The following ASIC2 variants were observed in gnomAD, a reference collection of about 807,000 sequenced individuals.
The protein encoded by ASIC2 is acid sensing ion channel subunit 2.
ASIC2 carries 25 observed loss-of-function variants against 57.3 expected under a neutral mutation model. That is an observed-to-expected ratio of 0.44 (90% CI 0.32 to 0.61). The LOEUF is 0.61. Among genes scored for constraint, ASIC2 ranks in the 20% least tolerant of loss-of-function variants. The pLI is 0.06. For missense variants in ASIC2, 641 were observed against 738.1 expected, an observed-to-expected ratio of 0.87 and a Z score of 1.52; for synonymous variants, 319 against 307.5, an observed-to-expected ratio of 1.04 and a Z score of -0.39.
chr17:34,082,592 C>T (rs1909929674), intron 1 of ASIC2, among the ~76,000 whole-genome samples: 1 of 152,180 alleles, frequency 6.6e-6, no homozygotes, highest in Non-Finnish European at 1.5e-5. Context: ...GCGGGGGAGT[C>T]CCCAGTCCAC....
At chr17:34,010,319 G>A (rs1047601095) in intron 1 of ASIC2, among the ~76,000 whole-genome samples, 15 of 152,146 alleles carry the variant, frequency 9.9e-5, no homozygotes, top group African/African-American at 3.6e-4. Flanking sequence ...TGGTAAAGAA[G>A]AGCACCAGCC....
chr17:33,350,687 A>AAAAGAAAGAAAGAAAGAAAGAAAGAAAGG, intron 1 of ASIC2, among the ~76,000 whole-genome samples: 1 of 145,556 alleles, frequency 6.9e-6, no homozygotes, highest in African/African-American at 2.7e-5. Flanking sequence ...GTGAGAAAAA[A>AAAAGAAAGAAAGAAAGAAAGAAAGAAAGG]AAAGAAAGAA....
At chr17:33,641,560 T>C (rs1440995947) in intron 1 of ASIC2, among the ~76,000 whole-genome samples, 1 of 152,226 alleles carries the variant, frequency 6.6e-6, no homozygotes, top group African/African-American at 2.4e-5. Context: ...AGACTCCTTG[T>C]CCACTGCTCT....
chr17:34,150,305 C>G (rs1904467370), intron 1 of ASIC2, among the ~76,000 whole-genome samples: 1 of 151,854 alleles, frequency 6.6e-6, no homozygotes, highest in African/African-American at 2.4e-5. Context: ...AGAGACAAGC[C>G]CAGGAAATCT....
At chr17:33,451,488 T>A (rs2141990341) in intron 1 of ASIC2, among the ~76,000 whole-genome samples, 1 of 152,284 alleles carries the variant, frequency 6.6e-6, no homozygotes, top group Non-Finnish European at 1.5e-5. Context: ...ATCTCAGTAG[T>A]CAGCGCTGTT....
chr17:33,711,931 T>C (rs1027217737), intron 1 of ASIC2, among the ~76,000 whole-genome samples: 1 of 152,196 alleles, frequency 6.6e-6, no homozygotes, highest in Admixed American at 6.5e-5. Context: ...AATTAGTCTC[T>C]GACTTTTCTA....
intron 1 of ASIC2, among the ~76,000 whole-genome samples, chr17:33,809,881 T>A (rs1178543707): frequency 1.3e-5 from 2 of 152,220 alleles, no homozygotes; most frequent in African/African-American, 4.8e-5. Flanking sequence ...GAACTAGGTC[T>A]TGGAATTCTT....
intron 1 of ASIC2, among the ~76,000 whole-genome samples, chr17:34,031,174 A>T (rs974698551): frequency 4.6e-5 from 7 of 152,206 alleles, no homozygotes; most frequent in Non-Finnish European, 1.0e-4. Flanking sequence ...CTTCCAGAGG[A>T]ACGATCAGGC....
At chr17:33,720,717 G>A (rs1024076652) in intron 1 of ASIC2, among the ~76,000 whole-genome samples, 4 of 152,144 alleles carry the variant, frequency 2.6e-5, no homozygotes, top group Admixed American at 2.6e-4. Context: ...GTGTTACTGC[G>A]GTTCAATAAA....
rs201237333 is a variant in ASIC2 at position 33,306,971 on chromosome 17, G to GTA, written c.556-194906_556-194905dup. On this transcript the variant is annotated intron_variant, in intron 1 of 9. Coordinates refer to the ASIC2 transcript ENST00000359872. ...CCCTGTCCTTTTGCCCCAGTGTACT[G>GTA]TATATATCTATATATTATATATTTT... Among the ~76,000 whole-genome samples, 564 of 151,756 alleles carry GTA rather than the reference G, an allele frequency of 3.7e-3. 8 individuals are homozygous for GTA. Among genetic ancestry groups the GTA allele is most frequent in the African/African-American group, 0.012 (511 of 41,310 alleles).
rs561165759 is a variant in ASIC2 at position 34,114,853 on chromosome 17, T to C, written c.555+41125A>G. Among the ~76,000 whole-genome samples, 7 of 152,198 alleles carry C rather than the reference T, an allele frequency of 4.6e-5. No homozygotes were observed. In the South Asian group the frequency reaches 1.5e-3, roughly 32 times the overall value. On this transcript the variant is annotated intron_variant, in intron 1 of 9. Coordinates refer to the ASIC2 transcript ENST00000359872. The stretch of plus-strand genomic sequence containing the variant: ...GACATAAGGTCAGGAGGCAGGGCAA[T>C]TAGTTAAGACAGTGAAGTCCAGCAG...
In ASIC2 at chr17:33,542,338, T is replaced by G. The variant is rs372130220; in HGVS notation, c.556-430271A>C. Reference sequence around the variant, plus strand: ...ATCGCCACACTGACTTCCACAATGGTTGAACTAGTTTACAGTCCCACCAAC... The same window carrying G: ...ATCGCCACACTGACTTCCACAATGGGTGAACTAGTTTACAGTCCCACCAAC... On this transcript the variant is annotated intron_variant, in intron 1 of 9. Transcript: ENST00000359872. Among the ~76,000 whole-genome samples, 75 of 140,338 alleles carry G rather than the reference T, an allele frequency of 5.3e-4. 1 individual carries two copies. The East Asian group carries it at 0.015, about 29-fold the overall frequency. 92.1% of individuals were successfully genotyped at this position (140,338 alleles called of 152,430 possible).
intron 1 of ASIC2, among the ~76,000 whole-genome samples, chr17:33,517,740 C>A (rs1914618831): frequency 6.6e-6 from 1 of 151,196 alleles, no homozygotes; most frequent in Non-Finnish European, 1.5e-5. Flanking sequence ...AGGAGATATA[C>A]CAAATGTTAA....
chr17:34,040,466 G>A (rs964243240), intron 1 of ASIC2, among the ~76,000 whole-genome samples: 2 of 150,412 alleles, frequency 1.3e-5, no homozygotes, highest in African/African-American at 2.5e-5. Flanking sequence ...GAGGAAGGTG[G>A]GGGGGGTCCC....
chr17:33,141,928 ATG>A (rs1254795432), intron 1 of ASIC2, among the ~76,000 whole-genome samples: 1 of 152,236 alleles, frequency 6.6e-6, no homozygotes, highest in African/African-American at 2.4e-5. Context: ...ACTTAGGTGA[ATG>A]TACAAAATAG....
rs1450866941 is a variant in ASIC2, at chr17:33,663,405, G to T, written c.555+492573C>A. On this transcript the variant is annotated intron_variant, in intron 1 of 9. Transcript: ENST00000359872. ...TCCTAAAATGTTTACCTAGAGTGAA[G>T]AAGTGTGTTTTGCTCATTGAATGTA... Among the ~76,000 whole-genome samples, 4 of 151,918 alleles carry T rather than the reference G, an allele frequency of 2.6e-5. No individual in the cohort carries two copies. In the East Asian group the frequency reaches 7.7e-4, roughly 29 times the overall value.
chr17:33,660,269 C>CA (rs1440510734), intron 1 of ASIC2, among the ~76,000 whole-genome samples: 3 of 152,056 alleles, frequency 2.0e-5, no homozygotes, highest in South Asian at 2.1e-4. Context: ...ATCAAATTTA[C>CA]AAAAAACTAT....
chr17:33,921,653 C>A (rs1033445663), intron 1 of ASIC2, among the ~76,000 whole-genome samples: 1 of 152,070 alleles, frequency 6.6e-6, no homozygotes, highest in East Asian at 1.9e-4. Flanking sequence ...TTTTGGAAAA[C>A]ACTCCAGTAT....
chr17:33,732,716 C>T (rs994143055), intron 1 of ASIC2, among the ~76,000 whole-genome samples: 4 of 152,130 alleles, frequency 2.6e-5, no homozygotes, highest in African/African-American at 9.6e-5. Context: ...CAGCTCACTG[C>T]AACCTCTGCC....
Sources: gnomAD v4.1 joint callset for allele counts (sites outside exome capture counted in the v4.1 genomes callset) on GRCh38, gnomAD v4.1.1 for gene constraint, MANE v1.5 for transcripts, NCBI Gene and HGNC (gene_info 2026-07-23, HGNC 2026-07-21) for gene names.